Variants in MBTD1 observed in about 807,000 individuals in gnomAD.
MBTD1 encodes the protein MBT domain-containing protein 1.
Under a neutral mutation model 87.8 loss-of-function variants are expected in MBTD1, and 24 were observed. That is an observed-to-expected ratio of 0.27 (90% CI 0.20 to 0.38). MBTD1 has a LOEUF of 0.38. MBTD1 is among the 10% of genes least tolerant of loss of function. The pLI, the probability that MBTD1 is intolerant of heterozygous loss-of-function variation, is 1.00. For missense variants in MBTD1, 436 were observed against 760.2 expected (o/e 0.57, Z 5.02); for synonymous variants, 237 against 248.6 (o/e 0.95, Z 0.44).
chr17:51,180,762 T>C (rs2050269324), intron 16 of MBTD1, 68 bp from the exon 17 acceptor site: 1 of 793,670 alleles, frequency 1.3e-6, no homozygotes. Context: ...CCTGTGATCT[T>C]CGTGTTCCGT....
intron 8 of MBTD1, 106 bp downstream of exon 8, chr17:51,203,685 C>G: frequency 8.0e-7 from 1 of 1,243,840 alleles, no homozygotes; most frequent in Non-Finnish European, 1.1e-6. Flanking sequence ...GTGTGAGCGG[C>G]CATGCCCGGC....
intron 2 of MBTD1, among the ~76,000 whole-genome samples, chr17:51,226,751 T>A (rs1374723679): frequency 6.6e-6 from 1 of 151,248 alleles, no homozygotes; most frequent in Non-Finnish European, 1.5e-5. Context: ...TGTGCCTCAG[T>A]CTCTCGAGTA....
chr17:51,196,487 C>A (rs2051113378), intron 12 of MBTD1, among the ~76,000 whole-genome samples: 1 of 151,824 alleles, frequency 6.6e-6, no homozygotes, highest in Admixed American at 6.6e-5. Context: ...GCCAGGCTGC[C>A]CCCCCTTTTT....
At chr17:51,253,999 CCAGATATGAATAAACTCAT>C (rs2054939893) in intron 2 of MBTD1, among the ~76,000 whole-genome samples, 1 of 152,160 alleles carries the variant, frequency 6.6e-6, no homozygotes, top group Non-Finnish European at 1.5e-5. Flanking sequence ...AGTAAACTCA[CCAGATATGAATAAACTCAT>C]CAGAAGTCAA....
intron 2 of MBTD1, among the ~76,000 whole-genome samples, chr17:51,249,354 C>T (rs183680108): frequency 6.6e-6 from 1 of 152,294 alleles, no homozygotes; most frequent in East Asian, 1.9e-4. Context: ...ACATCTTGTG[C>T]TAAGTGTCAA....
rs181147153 is a variant in MBTD1 at position 51,210,438 on chromosome 17, A to G, written c.487-3433T>C. ...GCTGAGATAATGCTATGTATATGTA[A>G]AAAGATAGGAAGCACTGGTTACTAA... On this transcript the variant is annotated intron_variant, in intron 6 of 16. Coordinates refer to ENST00000586178, the MANE Select transcript of MBTD1 (RefSeq NM_017643.3). Among the ~76,000 whole-genome samples the G allele has an allele frequency of 5.6e-3, 846 of 152,226 alleles. 6 individuals carry two copies. Among genetic ancestry groups the G allele is most frequent in the Admixed American group, 0.01 (154 of 15,282 alleles).
chr17:51,244,940 G>A (rs576282829), intron 2 of MBTD1, among the ~76,000 whole-genome samples: 206 of 151,162 alleles, frequency 1.4e-3, no homozygotes, highest in Non-Finnish European at 2.2e-3. Context: ...TCAGTCTGTC[G>A]CCCAGGCTGA....
At chr17:51,251,633 T>A (rs1164612867) in intron 2 of MBTD1, 1 of 152,140 alleles carries the variant, frequency 6.6e-6, no homozygotes, top group Non-Finnish European at 1.5e-5. Flanking sequence ...AGAGGAATGA[T>A]CATAAGGAGC....
intron 7 of MBTD1, among the ~76,000 whole-genome samples, chr17:51,205,043 A>C (rs1281044948): frequency 1.3e-5 from 2 of 152,270 alleles, no homozygotes; most frequent in Non-Finnish European, 2.9e-5. Flanking sequence ...AATATGTAAT[A>C]TATCCTATTT....
chr17:51,222,551 C>T (rs1369117909), intron 3 of MBTD1, among the ~76,000 whole-genome samples: 1 of 151,852 alleles, frequency 6.6e-6, no homozygotes, highest in East Asian at 1.9e-4. Context: ...ACTACAGGCA[C>T]ACGCCACCAT....
Position 51,178,710 on chromosome 17 carries a change from G to C in MBTD1, c.*1866C>G, listed in dbSNP as rs778851545. 26 of 152,132 alleles carry C rather than the reference G, an allele frequency of 1.7e-4. No homozygotes were observed. The highest frequency in any genetic ancestry group is 3.1e-4 in the Non-Finnish European group (21 of 68,020). The allele number at this position is 152,132 out of a possible 1,614,324, so 9.4% of individuals were successfully genotyped here. A position where few individuals can be genotyped will look rare whatever the true frequency, so the allele number is the denominator to read the frequency against. ...GTGTGAGGATGTCACATTTACAGTA[G>C]GTCCCTCTCAGCAATGTTAAGATAA... On this transcript the variant is annotated 3_prime_UTR_variant, in exon 17 of 17. Transcript: ENST00000586178.
intron 2 of MBTD1, among the ~76,000 whole-genome samples, chr17:51,228,800 G>A (rs1249816542): frequency 6.6e-6 from 1 of 150,628 alleles, no homozygotes; most frequent in Non-Finnish European, 1.5e-5. Flanking sequence ...GGGAGGCTGA[G>A]GCAGGGAGAA....
chr17:51,260,958 C>T (rs1227785280), upstream of MBTD1: 1 of 1,466,078 alleles, frequency 6.8e-7, no homozygotes, highest in South Asian at 1.4e-5. Context: ...GGGCTGGGCG[C>T]ACTCGGGCGG....
intron 2 of MBTD1, among the ~76,000 whole-genome samples, chr17:51,234,346 T>C (rs976950154): frequency 2.7e-5 from 4 of 147,196 alleles, no homozygotes; most frequent in East Asian, 2.0e-4. Context: ...TGAGCTGAGA[T>C]TGCACCACTG....
At chr17:51,205,240 A>G (rs1379563162) in intron 7 of MBTD1, among the ~76,000 whole-genome samples, 2 of 152,358 alleles carry the variant, frequency 1.3e-5, no homozygotes, top group East Asian at 3.9e-4. Context: ...AGAACAATTT[A>G]TGAGTTTGCT....
chr17:51,215,992 C>T (rs547594548), intron 6 of MBTD1, among the ~76,000 whole-genome samples: 47 of 134,930 alleles, frequency 3.5e-4, no homozygotes, highest in Middle Eastern at 9.3e-3. Context: ...AGTGCAGTGG[C>T]GTAATCTCAG....
chr17:51,246,093 T>G (rs748296381), intron 2 of MBTD1, among the ~76,000 whole-genome samples: 1 of 152,224 alleles, frequency 6.6e-6, no homozygotes, highest in African/African-American at 2.4e-5. Context: ...TTAATTATAG[T>G]TTGAGTATTC....
chr17:51,250,501 T>C (rs926476113), intron 2 of MBTD1: 1 of 152,216 alleles, frequency 6.6e-6, no homozygotes, highest in Non-Finnish European at 1.5e-5. Context: ...TGGACAACAG[T>C]TAGCTGGATA....
upstream of MBTD1, chr17:51,260,804 C>T (rs756567339): frequency 1.9e-6 from 3 of 1,584,312 alleles, no homozygotes; most frequent in South Asian, 1.1e-5. Context: ...ACGGCTCCGG[C>T]AGCGGAACCG....
Sources: gnomAD v4.1 joint callset for allele counts (sites outside exome capture counted in the v4.1 genomes callset) on GRCh38, gnomAD v4.1.1 for gene constraint, MANE v1.5 for transcripts, NCBI Gene and HGNC (gene_info 2026-07-23, HGNC 2026-07-21) for gene names.